RANBP3: variants seen among roughly 807,000 people sequenced by gnomAD.
RANBP3 encodes RAN binding protein 3.
In RANBP3, 14 loss-of-function variants were observed where a neutral mutation model predicts 77.3. The observed-to-expected ratio is 0.18, with a 90% CI of 0.12 to 0.28. The LOEUF (loss-of-function observed/expected upper bound fraction) is 0.28, where lower values mean the gene tolerates loss of function less well. Among genes scored for constraint, RANBP3 ranks in the 10% least tolerant of loss-of-function variants. The pLI is 1.00. For missense variants in RANBP3, 586 were observed against 752.3 expected (o/e 0.78, Z 2.59); for synonymous variants, 315 against 312.4 (o/e 1.01, Z -0.09).
At chr19:5,933,290 TG>T in intron 6 of RANBP3, 123 bp downstream of exon 6, 1 of 739,666 alleles carries the variant, frequency 1.4e-6, no homozygotes, top group Non-Finnish European at 2.2e-6. Flanking sequence ...CCAGGGCTCG[TG>T]GGTCAAGTTA....
chr19:5,962,062 C>G (rs1213529956), intron 1 of RANBP3, among the ~76,000 whole-genome samples: 2 of 152,098 alleles, frequency 1.3e-5, no homozygotes, highest in African/African-American at 4.8e-5. Context: ...GGCCTTATAT[C>G]CTGCCACGGG....
intron 3 of RANBP3, among the ~76,000 whole-genome samples, chr19:5,942,902 C>T (rs1042323206): frequency 5.3e-5 from 8 of 151,994 alleles, no homozygotes; most frequent in African/African-American, 1.9e-4. Context: ...GGGGTGAATG[C>T]CTGTAGCCCC....
chr19:5,941,473 A>T, intron 5 of RANBP3, 148 bp downstream of exon 5: 1 of 690,356 alleles, frequency 1.4e-6, no homozygotes, highest in Non-Finnish European at 2.5e-6. Context: ...ACAAGCTCTC[A>T]CCTCACTCCT....
chr19:5,929,723 T>C (rs1030416315), intron 8 of RANBP3, among the ~76,000 whole-genome samples: 1 of 152,130 alleles, frequency 6.6e-6, no homozygotes, highest in East Asian at 1.9e-4. Flanking sequence ...GTGTGTGCCA[T>C]GTTCATGGGC....
At chr19:5,946,088 G>A (rs2058200762) in intron 3 of RANBP3, among the ~76,000 whole-genome samples, 3 of 152,066 alleles carry the variant, frequency 2.0e-5, no homozygotes, top group African/African-American at 7.2e-5. Context: ...CTCCTCCGTG[G>A]GCGCCCTCCC....
Position 5,927,949 on chromosome 19 carries a change from G to C in RANBP3, c.813+19C>G. Reference sequence around the variant, plus strand: ...GGAAGGCATAAAAAGTCAATGTGCTGGTTCAACAGCTCACATACCTTAACT... The same window carrying C: ...GGAAGGCATAAAAAGTCAATGTGCTCGTTCAACAGCTCACATACCTTAACT... On this transcript the variant is annotated intron_variant, in intron 9 of 16. Coordinates refer to ENST00000340578, the MANE Select transcript of RANBP3 (RefSeq NM_007322.3). 6.3e-7 allele frequency: 1 copy of C among 1,593,318 alleles called. No homozygotes were observed. The highest frequency in any genetic ancestry group is 8.5e-7 in the Non-Finnish European group (1 of 1,171,560).
In RANBP3 at chr19:5,922,299, C is replaced by G. The variant is rs181852787; in HGVS notation, c.1209+895G>C. Among the ~76,000 whole-genome samples, 22 of 152,268 alleles carry G rather than the reference C, an allele frequency of 1.4e-4. No individual in the cohort carries two copies. The East Asian group carries it at 1.5e-3, about 11-fold the overall frequency. The stretch of plus-strand genomic sequence containing the variant: ...CCCCTACATGGCTTTCCACATACCC[C>G]CTAAGTCAATCTCTTTCAACATGAA... On this transcript the variant is annotated intron_variant, in intron 13 of 16. Transcript: ENST00000340578.
chr19:5,954,937 G>A (rs758553085), intron 2 of RANBP3, among the ~76,000 whole-genome samples: 2 of 152,116 alleles, frequency 1.3e-5, no homozygotes, highest in African/African-American at 2.4e-5. Context: ...AAGCAAACAC[G>A]CTCCTCCTGC....
chr19:5,969,281 AG>A, intron 1 of RANBP3, among the ~76,000 whole-genome samples: 1 of 152,312 alleles, frequency 6.6e-6, no homozygotes, highest in East Asian at 1.9e-4. Context: ...CTCTGAGCAG[AG>A]GGTAACTGCC....
intron 6 of RANBP3, 110 bp downstream of exon 6, chr19:5,933,304 A>C: frequency 1.1e-6 from 1 of 872,552 alleles, no homozygotes; most frequent in Non-Finnish European, 1.8e-6. Flanking sequence ...TCAAGTTACA[A>C]GTGATCTTTC....
At position 5,951,398 on chromosome 19, in the gene RANBP3, C is replaced by T. The variant is rs377648387; in HGVS notation, c.277G>A (p.Ala93Thr). Residue 93 changes from alanine to threonine, a missense_variant, in exon 3 of 17, where the codon GCA becomes ACA. Ala to Thr is a moderately conservative substitution (Grantham distance 58). Transcript: ENST00000340578. ...AQLPPFPREL[A>T]GRSAGGSSPE... ...CCGGGTAGGTGTGGACTTACCCCTG[C>T]CAGTTCTCGCGGAAAAGGAGGAAGC... The T allele has an allele frequency of 1.4e-4, 213 of 1,555,070 alleles. No individual in the cohort carries two copies. Among genetic ancestry groups the T allele is most frequent in the Non-Finnish European group, 1.8e-4 (209 of 1,148,986 alleles).
In RANBP3 at chr19:5,924,968, G is replaced by A. The variant is rs557668678; in HGVS notation, c.918-63C>T. On this transcript the variant is annotated intron_variant, in intron 10 of 16. Coordinates refer to ENST00000340578, the MANE Select transcript of RANBP3 (RefSeq NM_007322.3). This position sits in a 1 kb window ranked among gnomAD's most constrained non-coding sequence, Gnocchi z 4.7. ...TGGGAACGTGGCCAGGCAAATGTAT[G>A]GGTACCCATGGAGCACACACTGACA... The A allele has an allele frequency of 8.5e-4, 1,219 of 1,429,216 alleles. 26 individuals are homozygous for A. In the South Asian group the frequency reaches 0.013, roughly 16 times the overall value. The allele number at this position is 1,429,216 out of a possible 1,614,324, so 88.5% of individuals were successfully genotyped here.
intron 8 of RANBP3, among the ~76,000 whole-genome samples, chr19:5,929,919 C>T (rs771032784): frequency 1.3e-5 from 2 of 152,098 alleles, no homozygotes; most frequent in Admixed American, 1.3e-4. Flanking sequence ...GCAGCCAGCA[C>T]ATCACAACTT....
chr19:5,923,172 C>T (rs201053180), intron 13 of RANBP3, 22 bp downstream of exon 13: 36 of 1,605,494 alleles, frequency 2.2e-5, no homozygotes, highest in South Asian at 8.8e-5. Flanking sequence ...CCAGGGCCAC[C>T]GAGGAGGGGC....
intron 6 of RANBP3, chr19:5,932,978 C>A (rs895702434): frequency 4.1e-5 from 11 of 266,872 alleles, no homozygotes; most frequent in African/African-American, 2.5e-4. Flanking sequence ...GGACAAGGAC[C>A]CTTGCATGTG....
At chr19:5,940,623 C>A (rs2058123519) in intron 5 of RANBP3, among the ~76,000 whole-genome samples, 1 of 152,172 alleles carries the variant, frequency 6.6e-6, no homozygotes. Context: ...GTAACGCATG[C>A]GTGACTTCTG....
chr19:5,952,456 A>G lies in RANBP3; in HGVS notation c.79-860T>C, dbSNP rs182214622. On this transcript the variant is annotated intron_variant, in intron 2 of 16. Transcript: ENST00000340578. The surrounding 1 kb of genome is among the most constrained non-coding windows in gnomAD (Gnocchi z 4.1). ...ACTCCAGCAGGGCTTCCATGGGCTGAGAGCTCTGTGGCCGTAACTCCAAGA... is the reference window on the plus strand; with the variant it reads ...ACTCCAGCAGGGCTTCCATGGGCTGGGAGCTCTGTGGCCGTAACTCCAAGA... Among the ~76,000 whole-genome samples, 8 of 152,318 alleles carry G rather than the reference A, an allele frequency of 5.3e-5. No homozygotes were observed. The highest frequency in any genetic ancestry group is 5.2e-4 in the Admixed American group (8 of 15,308).
At position 5,936,768 on chromosome 19, in the gene RANBP3, T is replaced by C. The variant is rs892287540; in HGVS notation, c.407-3289A>G. 6.6e-5 allele frequency among the ~76,000 whole-genome samples: 10 copies of C among 151,978 alleles called. No individual in the cohort carries two copies. In the South Asian group the frequency reaches 8.3e-4, roughly 13 times the overall value. ...AACATTAAATAAAAACCAGTAACCA[T>C]AGACGGTCACCCACTGATGCCAACA... On this transcript the variant is annotated intron_variant, in intron 5 of 16. Coordinates refer to ENST00000340578, the MANE Select transcript of RANBP3 (RefSeq NM_007322.3).
intron 5 of RANBP3, among the ~76,000 whole-genome samples, chr19:5,938,169 G>A (rs1469529266): frequency 2.6e-5 from 4 of 152,166 alleles, no homozygotes; most frequent in Admixed American, 1.3e-4. Flanking sequence ...CGGACATCAC[G>A]CCAGCAGCTA....
Sources: gnomAD v4.1 joint callset for allele counts (sites outside exome capture counted in the v4.1 genomes callset) on GRCh38, gnomAD v4.1.1 for gene constraint, Gnocchi (gnomAD v3.1) non-coding constraint, MANE v1.5 for transcripts, NCBI Gene and HGNC (gene_info 2026-07-23, HGNC 2026-07-21) for gene names.